Variants in NOX4 observed in about 807,000 individuals in gnomAD.
NOX4 encodes the protein NADPH oxidase 4, also known as kidney oxidase-1.
NOX4 carries 69 observed loss-of-function variants against 87.6 expected under a neutral mutation model. That is an observed-to-expected ratio of 0.79 (90% CI 0.65 to 0.96). The LOEUF (loss-of-function observed/expected upper bound fraction) is 0.96. Ranked by LOEUF, NOX4 falls within the 40% of genes least tolerant of loss-of-function variation. The probability of loss-of-function intolerance (pLI) is 0.00; values close to 1 mark genes in which losing one functional copy is unlikely to be tolerated. For synonymous variants in NOX4, 275 were observed against 238.2 expected (o/e 1.15, Z -1.42); for missense variants, 680 against 681.5 (o/e 1.00, Z 0.02).
At chr11:89,427,634 C>G (rs762920484) in intron 7 of NOX4, among the ~76,000 whole-genome samples, 22 of 151,962 alleles carry the variant, frequency 1.4e-4, no homozygotes, top group Admixed American at 3.3e-4. Flanking sequence ...GATTGAAGAT[C>G]AAATGAATGA....
the NOX4 span, among the ~76,000 whole-genome samples, chr11:89,509,944 C>T: frequency 1.3e-5 from 2 of 151,918 alleles, no homozygotes; most frequent in African/African-American, 2.4e-5. Flanking sequence ...AAGAAATGAC[C>T]GGGTAATGAT....
chr11:89,565,123 T>C, the NOX4 span, among the ~76,000 whole-genome samples: 1 of 152,218 alleles, frequency 6.6e-6, no homozygotes, highest in African/African-American at 2.4e-5. Flanking sequence ...TATTGAGTCT[T>C]CCTATTCATG....
intron 11 of NOX4, among the ~76,000 whole-genome samples, chr11:89,379,096 C>A (rs1940081508): frequency 6.6e-6 from 1 of 151,926 alleles, no homozygotes. Flanking sequence ...AAACAGAATA[C>A]TAAAATAACA....
chr11:89,444,516 AAC>A (rs1944602107), intron 4 of NOX4, among the ~76,000 whole-genome samples: 1 of 115,374 alleles, frequency 8.7e-6, no homozygotes, highest in African/African-American at 4.0e-5. Flanking sequence ...TCCTCCCCCT[AAC>A]ACACATACAC....
Position 89,335,931 on chromosome 11 carries a change from T to C in NOX4, c.1530A>G (p.Glu510=), listed in dbSNP as rs1283740982. The C allele has an allele frequency of 6.3e-7, 1 of 1,594,140 alleles. No individual in the cohort carries two copies. Among genetic ancestry groups the C allele is most frequent in the Non-Finnish European group, 8.5e-7 (1 of 1,170,100 alleles). Residue 510 remains glutamate (E), a synonymous_variant, in exon 17 of 18, where the codon GAA becomes GAG. Coordinates refer to ENST00000263317, the MANE Select transcript of NOX4 (RefSeq NM_016931.5). ...GTCTTGAATTCAGTGCATGATATTT[T>C]TCTCCAATTATCTTCTGCCAAAAAG... ...QTDGIQKIIG[E]KYHALNSRLF...
chr11:89,350,109 G>C (rs1946393584), intron 13 of NOX4, among the ~76,000 whole-genome samples: 1 of 152,054 alleles, frequency 6.6e-6, no homozygotes, highest in South Asian at 2.1e-4. Context: ...TTCATGTTCT[G>C]AGAATTTTCA....
chr11:89,381,729 T>G (rs1220320013), intron 11 of NOX4, among the ~76,000 whole-genome samples: 1 of 152,192 alleles, frequency 6.6e-6, no homozygotes, highest in Admixed American at 6.5e-5. Flanking sequence ...TCCCCTGTCC[T>G]CCTGCTCTTT....
chr11:89,351,493 C>T (rs1438103599), intron 13 of NOX4, among the ~76,000 whole-genome samples: 10 of 152,252 alleles, frequency 6.6e-5, no homozygotes, highest in East Asian at 5.8e-4. Flanking sequence ...AAGTGGTAGA[C>T]GCCATCTACG....
chr11:89,353,233 G>C (rs963196798), intron 13 of NOX4, among the ~76,000 whole-genome samples: 2 of 152,258 alleles, frequency 1.3e-5, no homozygotes, highest in Middle Eastern at 3.4e-3. Context: ...TTAAGCTGTG[G>C]GTAAAATGCT....
intron 6 of NOX4, among the ~76,000 whole-genome samples, chr11:89,439,712 A>C (rs532701980): frequency 6.6e-6 from 1 of 152,136 alleles, no homozygotes; most frequent in Admixed American, 6.6e-5. Context: ...TTATAAATCT[A>C]AGGTTGGGAA....
intron 12 of NOX4, among the ~76,000 whole-genome samples, chr11:89,356,677 T>C (rs1938084705): frequency 6.6e-6 from 1 of 152,176 alleles, no homozygotes; most frequent in African/African-American, 2.4e-5. Context: ...TCACAGAGTT[T>C]ATCACACTAT....
chr11:89,552,560 C>T, the NOX4 span, among the ~76,000 whole-genome samples: 1 of 152,152 alleles, frequency 6.6e-6, no homozygotes, highest in African/African-American at 2.4e-5. Flanking sequence ...CCATCTAGAT[C>T]AAAGAGAAAG....
the NOX4 span, among the ~76,000 whole-genome samples, chr11:89,514,225 T>G: frequency 2.0e-5 from 3 of 152,038 alleles, no homozygotes; most frequent in African/African-American, 7.2e-5. Context: ...ACTTTTTAAA[T>G]AAAATTTATT....
intron 6 of NOX4, among the ~76,000 whole-genome samples, chr11:89,437,414 T>C (rs1944133071): frequency 6.6e-6 from 1 of 152,128 alleles, no homozygotes; most frequent in South Asian, 2.1e-4. Flanking sequence ...TAGACTCTAC[T>C]TTGCACTGTC....
rs1483244069 is a variant in NOX4 at position 89,325,356 on chromosome 11, C to T, written c.*1400G>A. ...TCAGGCTGGTCTTGAACTCTGACCT[C>T]GTGATCCACCTGCCTTGGCCTCCCA... On this transcript the variant is annotated 3_prime_UTR_variant, in exon 18 of 18. Transcript: ENST00000263317. 3 of 151,912 alleles carry T rather than the reference C, an allele frequency of 2.0e-5. No homozygotes were observed. The highest frequency in any genetic ancestry group is 4.8e-5 in the African/African-American group (2 of 41,342). The allele number at this position is 151,912 out of a possible 1,614,324, so 9.4% of individuals were successfully genotyped here. A position where few individuals can be genotyped will look rare whatever the true frequency, so the allele number is the denominator to read the frequency against.
rs551566327 is a variant in NOX4 at position 89,470,948 on chromosome 11, C to A, written c.154-19053G>T. The stretch of plus-strand genomic sequence containing the variant: ...CCTTCTATTTGTATTGGCATTGTAC[C>A]TGTTCCAACCCCCAGGATAACTACC... On this transcript the variant is annotated intron_variant, in intron 2 of 17. Transcript: ENST00000263317. Among the ~76,000 whole-genome samples, 9 of 152,224 alleles carry A rather than the reference C, an allele frequency of 5.9e-5. No individual in the cohort carries two copies. The East Asian group carries it at 1.7e-3, about 29-fold the overall frequency.
At chr11:89,444,912 C>A (rs1009667822) in intron 4 of NOX4, among the ~76,000 whole-genome samples, 1 of 152,078 alleles carries the variant, frequency 6.6e-6, no homozygotes, top group African/African-American at 2.4e-5. Flanking sequence ...AAGATGAACT[C>A]ATTTTGGCAA....
chr11:89,483,459 G>T (rs1946472594), intron 2 of NOX4, among the ~76,000 whole-genome samples: 1 of 152,080 alleles, frequency 6.6e-6, no homozygotes, highest in Admixed American at 6.6e-5. Flanking sequence ...CATGAAAGGA[G>T]ACCTGAAGGA....
chr11:89,348,301 G>C (rs1946303829), intron 13 of NOX4, among the ~76,000 whole-genome samples: 1 of 152,022 alleles, frequency 6.6e-6, no homozygotes, highest in African/African-American at 2.4e-5. Flanking sequence ...TGTAAGCCCA[G>C]CTACTTGGGA....
Sources: allele counts gnomAD v4.1 joint callset (sites outside exome capture counted in the v4.1 genomes callset), GRCh38; gene constraint gnomAD v4.1.1; transcripts MANE v1.5; gene names NCBI Gene and HGNC (gene_info 2026-07-23, HGNC 2026-07-21).